Variants in ATF7IP2 observed in about 807,000 individuals in gnomAD.
ATF7IP2 encodes the protein activating transcription factor 7 interacting protein 2.
Under a neutral mutation model 64.2 loss-of-function variants are expected in ATF7IP2, and 42 were observed. The observed-to-expected ratio is 0.65, with a 90% CI of 0.51 to 0.85. The LOEUF (loss-of-function observed/expected upper bound fraction) is 0.85. ATF7IP2 is among the 40% of genes least tolerant of loss of function. The probability of loss-of-function intolerance (pLI) is 0.00; values close to 1 mark genes in which losing one functional copy is unlikely to be tolerated. For missense variants in ATF7IP2, 933 were observed against 784.2 expected (o/e 1.19, Z -2.27); for synonymous variants, 308 against 272.8 (o/e 1.13, Z -1.27).
At chr16:10,387,072 A>G (rs1282930627) in intron 1 of ATF7IP2, 1 of 152,202 alleles carries the variant, frequency 6.6e-6, no homozygotes, top group Non-Finnish European at 1.5e-5. Flanking sequence ...ATTATGTCAT[A>G]TTCACTTAAA....
At chr16:10,400,299 C>G (rs1482796255) in intron 1 of ATF7IP2, among the ~76,000 whole-genome samples, 1 of 152,156 alleles carries the variant, frequency 6.6e-6, no homozygotes, top group Non-Finnish European at 1.5e-5. Flanking sequence ...CCTTGGCCTC[C>G]CAAAGTGTTG....
At chr16:10,394,602 A>G (rs569720704) in intron 1 of ATF7IP2, among the ~76,000 whole-genome samples, 4 of 152,320 alleles carry the variant, frequency 2.6e-5, no homozygotes, top group African/African-American at 9.6e-5. Context: ...ACATCCATCA[A>G]TATAGTCACA....
At chr16:10,410,780 G>T (rs2047743627) in intron 1 of ATF7IP2, among the ~76,000 whole-genome samples, 1 of 152,004 alleles carries the variant, frequency 6.6e-6, no homozygotes, top group Admixed American at 6.6e-5. Context: ...GGTCTTTCAG[G>T]ATATCTGCTT....
chr16:10,459,469 A>G (rs2049298383), intron 9 of ATF7IP2, among the ~76,000 whole-genome samples: 1 of 150,760 alleles, frequency 6.6e-6, no homozygotes, highest in Admixed American at 6.6e-5. Flanking sequence ...CTCCATCTCA[A>G]AAAGAAAAAA....
At position 10,464,145 on chromosome 16, in the gene ATF7IP2, G is replaced by A. The variant is rs889175889; in HGVS notation, c.1352+6616G>A. Among the ~76,000 whole-genome samples the A allele has an allele frequency of 3.3e-5, 5 of 152,292 alleles. No individual in the cohort carries two copies. The South Asian group carries it at 6.2e-4, about 19-fold the overall frequency. On this transcript the variant is annotated intron_variant, in intron 9 of 13. Coordinates refer to ENST00000562102, the MANE Select transcript of ATF7IP2 (RefSeq NM_001393719.1). ...CACAGCTTTCTAATGTCTTCAAATA[G>A]ATATTTAGATATTTTTTTCCCCAAT...
chr16:10,421,131 A>G (rs8044326), intron 3 of ATF7IP2, among the ~76,000 whole-genome samples: 118,657 of 152,120 alleles, frequency 0.78, 46,868 homozygotes, highest in African/African-American at 0.9. Context: ...GATCATATCC[A>G]TGTAATTTAA....
At chr16:10,478,772 A>G (rs1282653715) in intron 12 of ATF7IP2, among the ~76,000 whole-genome samples, 2 of 152,244 alleles carry the variant, frequency 1.3e-5, no homozygotes, top group African/African-American at 4.8e-5. Flanking sequence ...AAGGGCTAAT[A>G]TTCAGAATCT....
intron 5 of ATF7IP2, among the ~76,000 whole-genome samples, chr16:10,432,339 C>A (rs1305696074): frequency 6.6e-6 from 1 of 152,104 alleles, no homozygotes; most frequent in African/African-American, 2.4e-5. Flanking sequence ...TAGAAAAAAA[C>A]TGATTTAATG....
At chr16:10,404,008 C>T (rs182194784) in intron 1 of ATF7IP2, among the ~76,000 whole-genome samples, 1 of 152,070 alleles carries the variant, frequency 6.6e-6, no homozygotes, top group African/African-American at 2.4e-5. Flanking sequence ...ATTTAGGGAA[C>T]CTTTTTCAGG....
intron 8 of ATF7IP2, among the ~76,000 whole-genome samples, chr16:10,452,413 G>C (rs1312550703): frequency 6.6e-6 from 1 of 152,176 alleles, no homozygotes; most frequent in African/African-American, 2.4e-5. Flanking sequence ...GACCTTGTTT[G>C]CCTGGGTATC....
At chr16:10,402,923 T>C (rs1253727992) in intron 1 of ATF7IP2, among the ~76,000 whole-genome samples, 4 of 146,758 alleles carry the variant, frequency 2.7e-5, no homozygotes, top group Admixed American at 2.7e-4. Context: ...AAAAAAAAAA[T>C]GTTGAGTCTT....
intron 7 of ATF7IP2, among the ~76,000 whole-genome samples, chr16:10,439,159 G>A (rs2048523399): frequency 6.6e-6 from 1 of 151,396 alleles, no homozygotes; most frequent in South Asian, 2.1e-4. Context: ...TCCTCTTCTA[G>A]TATTACTTGC....
intron 3 of ATF7IP2, among the ~76,000 whole-genome samples, chr16:10,428,066 T>C (rs1305332133): frequency 6.6e-6 from 1 of 152,138 alleles, no homozygotes; most frequent in Non-Finnish European, 1.5e-5. Context: ...TTAAACAGTA[T>C]ATTTGTTTAC....
intron 2 of ATF7IP2, among the ~76,000 whole-genome samples, chr16:10,416,628 A>G (rs1158762980): frequency 6.6e-6 from 1 of 152,144 alleles, no homozygotes. Context: ...CTGCCTCTCT[A>G]CTAAAAAACA....
chr16:10,396,222 G>C (rs574634223), intron 1 of ATF7IP2, among the ~76,000 whole-genome samples: 1 of 152,112 alleles, frequency 6.6e-6, no homozygotes, highest in Non-Finnish European at 1.5e-5. Context: ...AATTAAATAA[G>C]TAAATAGATA....
At chr16:10,420,652 G>A (rs556424462) in intron 3 of ATF7IP2, among the ~76,000 whole-genome samples, 1 of 152,286 alleles carries the variant, frequency 6.6e-6, no homozygotes, top group South Asian at 2.1e-4. Flanking sequence ...GTAAAAGGGT[G>A]CATTCTACTC....
chr16:10,387,334 A>G (rs1461935721), intron 1 of ATF7IP2: 4 of 152,244 alleles, frequency 2.6e-5, no homozygotes, highest in Non-Finnish European at 5.9e-5. Context: ...ATACGTTTGT[A>G]GAAGTGTTGA....
Position 10,482,337 on chromosome 16 carries a change from C to T in ATF7IP2, c.*88C>T. ...AATACTATTTGCCATTGTAAAAGGC[C>T]AGCTCAGATTGTGAGCCCTTTCTAT... On this transcript the variant is annotated 3_prime_UTR_variant, in exon 14 of 14. Transcript: ENST00000562102. 1 of 1,024,420 alleles carries T rather than the reference C, an allele frequency of 9.8e-7. No homozygotes were observed. The highest frequency in any genetic ancestry group is 1.7e-5 in the South Asian group (1 of 60,446). 63.5% of individuals were successfully genotyped at this position (1,024,420 alleles called of 1,614,324 possible).
chr16:10,442,728 T>C (rs2048670444), intron 8 of ATF7IP2, among the ~76,000 whole-genome samples: 2 of 151,454 alleles, frequency 1.3e-5, no homozygotes, highest in South Asian at 2.1e-4. Context: ...ACAGACTCCA[T>C]CTTTTTCTGC....
Sources: gnomAD v4.1 joint callset for allele counts (sites outside exome capture counted in the v4.1 genomes callset) on GRCh38, gnomAD v4.1.1 for gene constraint, MANE v1.5 for transcripts, NCBI Gene and HGNC (gene_info 2026-07-23, HGNC 2026-07-21) for gene names.